The following ATAD2B variants were observed in gnomAD, a reference collection of about 807,000 sequenced individuals.
ATAD2B encodes ATPase family AAA domain-containing protein 2B.
A neutral mutation model predicts 167.6 loss-of-function variants in ATAD2B; 40 were observed. That is an observed-to-expected ratio of 0.24 (90% confidence interval 0.19 to 0.31). ATAD2B has a LOEUF of 0.31. ATAD2B is among the 10% of genes least tolerant of loss of function. The pLI is 1.00. For missense variants in ATAD2B, 1,242 were observed against 1,757.2 expected (o/e 0.71, Z 5.24); for synonymous variants, 579 against 596.5 (o/e 0.97, Z 0.43).
chr2:23,845,176 A>G (rs1383444008), intron 13 of ATAD2B, among the ~76,000 whole-genome samples: 2 of 152,220 alleles, frequency 1.3e-5, no homozygotes, highest in African/African-American at 4.8e-5. Flanking sequence ...AAAGTTAAAC[A>G]TAAAACTACC....
chr2:23,760,342 T>C (rs1476410515), intron 24 of ATAD2B, among the ~76,000 whole-genome samples: 2 of 152,160 alleles, frequency 1.3e-5, no homozygotes. Context: ...GAGTATATAT[T>C]AGTATTTGTG....
chr2:23,839,909 G>C (rs1690611893), intron 13 of ATAD2B, among the ~76,000 whole-genome samples: 1 of 151,882 alleles, frequency 6.6e-6, no homozygotes, highest in Non-Finnish European at 1.5e-5. Context: ...TCAACCCCTA[G>C]GGAACCATTC....
chr2:23,882,741 C>T (rs1698122311), intron 6 of ATAD2B, among the ~76,000 whole-genome samples: 1 of 151,062 alleles, frequency 6.6e-6, no homozygotes, highest in East Asian at 2.0e-4. Context: ...ACCCAGGAGG[C>T]GGAGCTTGCA....
chr2:23,687,799 G>C, the ATAD2B span, among the ~76,000 whole-genome samples: 4 of 152,312 alleles, frequency 2.6e-5, no homozygotes, highest in South Asian at 2.1e-4. Flanking sequence ...GTTGCTGCAG[G>C]GCCGGGTATG....
chr2:23,854,282 C>G (rs929657361), intron 13 of ATAD2B, among the ~76,000 whole-genome samples: 1 of 151,938 alleles, frequency 6.6e-6, no homozygotes, highest in Non-Finnish European at 1.5e-5. Flanking sequence ...AAAAAATAAA[C>G]TTCAGTCCAT....
intron 13 of ATAD2B, among the ~76,000 whole-genome samples, chr2:23,854,078 C>T (rs559995504): frequency 1.9e-4 from 28 of 150,880 alleles, no homozygotes; most frequent in African/African-American, 5.8e-4. Context: ...AAACATACCT[C>T]TACTAATAAT....
chr2:23,880,898 C>A, intron 6 of ATAD2B, 143 bp from the exon 7 acceptor site: 2 of 587,996 alleles, frequency 3.4e-6, no homozygotes, highest in Non-Finnish European at 5.9e-6. Flanking sequence ...TTACGTAAAG[C>A]ATACATAATT....
the ATAD2B span, among the ~76,000 whole-genome samples, chr2:23,710,421 G>A: frequency 6.6e-6 from 1 of 152,222 alleles, no homozygotes; most frequent in Non-Finnish European, 1.5e-5. Context: ...AAATGGTGGG[G>A]AGAGGGACTC....
the ATAD2B span, among the ~76,000 whole-genome samples, chr2:23,736,649 A>G: frequency 1.3e-5 from 2 of 152,132 alleles, no homozygotes; most frequent in South Asian, 2.1e-4. Flanking sequence ...TGCATTTCCA[A>G]CTGAGGTACC....
the ATAD2B span, among the ~76,000 whole-genome samples, chr2:23,713,957 A>T: frequency 6.6e-6 from 1 of 152,318 alleles, no homozygotes; most frequent in African/African-American, 2.4e-5. Flanking sequence ...TATCAAGGTT[A>T]AATAGGTTTC....
the ATAD2B span, among the ~76,000 whole-genome samples, chr2:23,698,945 C>A: frequency 6.6e-6 from 1 of 152,238 alleles, no homozygotes; most frequent in Non-Finnish European, 1.5e-5. Context: ...TCTCCCAGCT[C>A]CTTCTGCAGG....
chr2:23,922,657 G>T (rs1027802268), intron 1 of ATAD2B, among the ~76,000 whole-genome samples: 2 of 147,380 alleles, frequency 1.4e-5, no homozygotes, highest in Non-Finnish European at 3.0e-5. Flanking sequence ...TTTTAAGGCT[G>T]CAGTGAACCA....
chr2:23,719,385 C>G, the ATAD2B span, among the ~76,000 whole-genome samples: 172 of 152,262 alleles, frequency 1.1e-3, 1 homozygote, highest in African/African-American at 4.0e-3. Context: ...TGCTCAGATG[C>G]TGAAATAATT....
intron 8 of ATAD2B, chr2:23,873,109 T>C (rs754463689): frequency 5.7e-5 from 24 of 422,334 alleles, no homozygotes; most frequent in African/African-American, 1.0e-4. Context: ...CTTTGCAATT[T>C]TGATATTTAT....
In ATAD2B at chr2:23,867,839, T is replaced by C. The variant is rs1234843968; in HGVS notation, c.1184A>G (p.Lys395Arg). ...LADVDPMNID[K>R]SVRFDSIGGL... Reference sequence around the variant, plus strand: ...AAAAACATTTACAAAACTTACTGATTTATCAATGTTCATTGGATCAACATC... The same window carrying C: ...AAAAACATTTACAAAACTTACTGATCTATCAATGTTCATTGGATCAACATC... The change falls in exon 10 of 28, where the codon AAA (lysine) becomes AGA (arginine). Residue 395 changes from lysine (K) to arginine (R), a missense_variant. Lys to Arg is a conservative substitution (Grantham distance 26, BLOSUM62 2). This residue lies in a region of ATAD2B where 127 missense variants were observed against 146.3 expected (regional missense o/e 0.87). Coordinates refer to ENST00000238789, the MANE Select transcript of ATAD2B (RefSeq NM_017552.4). 1.3e-6 allele frequency: 2 copies of C among 1,595,090 alleles called. No individual in the cohort carries two copies. Among genetic ancestry groups the C allele is most frequent in the African/African-American group, 2.7e-5 (2 of 73,928 alleles).
At chr2:23,681,203 G>C in the ATAD2B span, among the ~76,000 whole-genome samples, 2 of 152,252 alleles carry the variant, frequency 1.3e-5, no homozygotes, top group Non-Finnish European at 2.9e-5. The surrounding 1 kb of genome is among the most constrained non-coding windows in gnomAD (Gnocchi z 4.2). Flanking sequence ...TACTAGGAAT[G>C]CACTTGGGGC....
rs1170115941 is a variant in ATAD2B, at chr2:23,869,530, G to A, written c.1076+133C>T. 6.1e-6 allele frequency: 4 copies of A among 659,040 alleles called. No homozygotes were observed. The East Asian group carries it at 8.4e-5, about 14-fold the overall frequency. 40.8% of individuals were successfully genotyped at this position (659,040 alleles called of 1,614,324 possible). The stretch of plus-strand genomic sequence containing the variant: ...AGATTTTTATTGAAAGAAAAGCTAA[G>A]TAGAAACCAAGTCAATGTCTTAATC... On this transcript the variant is annotated intron_variant, in intron 9 of 27. Transcript: ENST00000238789.
At chr2:23,923,649 CA>C (rs200804427) in intron 1 of ATAD2B, among the ~76,000 whole-genome samples, 6,059 of 117,528 alleles carry the variant, frequency 0.052, 108 homozygotes, top group Admixed American at 0.063. Flanking sequence ...TTTTACATGT[CA>C]AAAAAAAAAA....
Position 23,904,401 on chromosome 2 carries a change from C to A in ATAD2B, c.217-8431G>T, listed in dbSNP as rs139328053. On this transcript the variant is annotated intron_variant, in intron 1 of 27. Coordinates refer to ENST00000238789, the MANE Select transcript of ATAD2B (RefSeq NM_017552.4). Reference sequence around the variant, plus strand: ...CTGACAGGGCAATGTCTGTGAAATGCGGGGTGGAAAACACTAGGTGAATAA... The same window carrying A: ...CTGACAGGGCAATGTCTGTGAAATGAGGGGTGGAAAACACTAGGTGAATAA... Among the ~76,000 whole-genome samples the A allele has an allele frequency of 2.4e-4, 37 of 152,058 alleles. No individual in the cohort carries two copies. In the East Asian group the frequency reaches 5.6e-3, roughly 23 times the overall value.
Sources: allele counts gnomAD v4.1 joint callset (sites outside exome capture counted in the v4.1 genomes callset), GRCh38; gene constraint gnomAD v4.1.1; regional missense constraint gnomAD v4.1.1; non-coding constraint Gnocchi (gnomAD v3.1); transcripts MANE v1.5; gene names NCBI Gene and HGNC (gene_info 2026-07-23, HGNC 2026-07-21).